The following MAF variants were observed in gnomAD, a reference collection of about 807,000 sequenced individuals.
MAF encodes transcription factor Maf.
Under a neutral mutation model 22.0 loss-of-function variants are expected in MAF, and 10 were observed. The ratio of observed to expected loss-of-function variants is 0.45; its 90% CI spans 0.28 to 0.77. MAF has a LOEUF of 0.77. Ranked by LOEUF, MAF falls within the 30% of genes least tolerant of loss-of-function variation. The pLI is 0.12. For synonymous variants in MAF, 337 were observed against 255.8 expected (o/e 1.32, Z -3.03); for missense variants, 544 against 548.4 (o/e 0.99, Z 0.08).
chr16:79,451,132 C>T, the MAF span, among the ~76,000 whole-genome samples: 3 of 152,274 alleles, frequency 2.0e-5, no homozygotes, highest in East Asian at 5.8e-4. Context: ...GGCAACTTTG[C>T]CCATAAAGAA....
the MAF span, among the ~76,000 whole-genome samples, chr16:79,316,320 A>G: frequency 6.6e-6 from 1 of 152,212 alleles, no homozygotes; most frequent in Non-Finnish European, 1.5e-5. Flanking sequence ...GCAATGTTCT[A>G]GATGCATCTC....
At chr16:79,596,330 C>G (rs1913522046) in intron 1 of MAF, 1 of 1,059,850 alleles carries the variant, frequency 9.4e-7, no homozygotes, top group African/African-American at 1.6e-5. Flanking sequence ...CCAGCCTCCT[C>G]ACTTCAAAAA....
the MAF span, among the ~76,000 whole-genome samples, chr16:79,437,144 CTCTGTGTG>C: frequency 3.5e-5 from 3 of 84,904 alleles, no homozygotes; most frequent in African/African-American, 7.6e-5. Flanking sequence ...CTCTCTCTCT[CTCTGTGTG>C]TGTGTGTGTG....
At chr16:79,310,097 G>A in the MAF span, among the ~76,000 whole-genome samples, 2 of 152,104 alleles carry the variant, frequency 1.3e-5, no homozygotes, top group Non-Finnish European at 2.9e-5. Flanking sequence ...AAAAACGTGA[G>A]CATTTCCCCC....
chr16:79,506,366 C>A, the MAF span, among the ~76,000 whole-genome samples: 380 of 152,204 alleles, frequency 2.5e-3, 6 homozygotes, highest in African/African-American at 8.4e-3. Flanking sequence ...GGGAAGGACT[C>A]AGGGTTTGAA....
chr16:79,453,809 G>T, the MAF span, among the ~76,000 whole-genome samples: 268 of 152,288 alleles, frequency 1.8e-3, no homozygotes, highest in Middle Eastern at 0.01. Flanking sequence ...CAGGCCCTGA[G>T]AATAAAATAG....
the MAF span, among the ~76,000 whole-genome samples, chr16:79,339,971 T>C: frequency 6.6e-6 from 1 of 152,192 alleles, no homozygotes; most frequent in African/African-American, 2.4e-5. Flanking sequence ...CTCACCGTCC[T>C]GGCAAAGCTG....
the MAF span, among the ~76,000 whole-genome samples, chr16:79,546,467 G>C: frequency 6.6e-6 from 1 of 152,148 alleles, no homozygotes; most frequent in Non-Finnish European, 1.5e-5. Context: ...GAAGTGATAA[G>C]ATGGTTTTCA....
At chr16:79,436,199 C>T in the MAF span, among the ~76,000 whole-genome samples, 3 of 152,168 alleles carry the variant, frequency 2.0e-5, no homozygotes, top group Admixed American at 2.0e-4. Flanking sequence ...TCTCATGCCT[C>T]AACCTTTCAA....
the MAF span, among the ~76,000 whole-genome samples, chr16:79,404,638 A>T: frequency 4.7e-5 from 7 of 149,028 alleles, no homozygotes; most frequent in Middle Eastern, 3.5e-3. Flanking sequence ...TTTTTTTTAA[A>T]TTTTTTTTTT....
chr16:79,549,168 G>C, the MAF span, among the ~76,000 whole-genome samples: 1 of 152,286 alleles, frequency 6.6e-6, no homozygotes, highest in African/African-American at 2.4e-5. Flanking sequence ...AAGGATGATG[G>C]TGACGAGCAA....
the MAF span, among the ~76,000 whole-genome samples, chr16:79,316,842 C>T: frequency 6.6e-6 from 1 of 152,142 alleles, no homozygotes; most frequent in Admixed American, 6.5e-5. Context: ...TGCCAACACT[C>T]AGATGCTGGA....
the MAF span, among the ~76,000 whole-genome samples, chr16:79,209,960 A>G: frequency 1.3e-5 from 2 of 152,236 alleles, no homozygotes; most frequent in Admixed American, 6.5e-5. Flanking sequence ...ATCCAGGATA[A>G]TATCTGGCTA....
At chr16:79,521,878 AATC>A in the MAF span, among the ~76,000 whole-genome samples, 1 of 152,234 alleles carries the variant, frequency 6.6e-6, no homozygotes, top group Non-Finnish European at 1.5e-5. Context: ...TAAATATTAG[AATC>A]ATCATCTTAA....
the MAF span, among the ~76,000 whole-genome samples, chr16:79,288,960 C>A: frequency 6.6e-6 from 1 of 152,178 alleles, no homozygotes; most frequent in East Asian, 1.9e-4. Context: ...AAACTCCTAA[C>A]CTCAGGTGAT....
At chr16:79,482,564 G>C in the MAF span, among the ~76,000 whole-genome samples, 1 of 152,140 alleles carries the variant, frequency 6.6e-6, no homozygotes, top group African/African-American at 2.4e-5. Context: ...TACAGAATGA[G>C]GAGTTCACCA....
At chr16:79,392,735 G>C in the MAF span, among the ~76,000 whole-genome samples, 2 of 152,164 alleles carry the variant, frequency 1.3e-5, no homozygotes, top group East Asian at 3.9e-4. Flanking sequence ...ATGCTGAGTA[G>C]GTAGCCCAGT....
the MAF span, among the ~76,000 whole-genome samples, chr16:79,450,559 A>G: frequency 6.6e-6 from 1 of 152,338 alleles, no homozygotes; most frequent in African/African-American, 2.4e-5. Context: ...AACGTGCTCA[A>G]TCCCTCAAGA....
the MAF span, among the ~76,000 whole-genome samples, chr16:79,346,412 A>ACG: frequency 6.6e-6 from 1 of 152,256 alleles, no homozygotes; most frequent in South Asian, 2.1e-4. Context: ...CAAGGCCAAG[A>ACG]ATTGGCTACA....
Sources: allele counts gnomAD v4.1 joint callset (sites outside exome capture counted in the v4.1 genomes callset), GRCh38; gene constraint gnomAD v4.1.1; transcripts MANE v1.5; gene names NCBI Gene and HGNC (gene_info 2026-07-23, HGNC 2026-07-21).